The following USH1C variants were observed in gnomAD, a reference collection of about 807,000 sequenced individuals.
USH1C encodes USH1 protein network component harmonin, also known as harmonin.
A neutral mutation model predicts 119.3 loss-of-function variants in USH1C; 90 were observed. The observed-to-expected ratio is 0.75, with a 90% CI of 0.64 to 0.90. The LOEUF (loss-of-function observed/expected upper bound fraction) is 0.90. Among genes scored for constraint, USH1C ranks in the 40% least tolerant of loss-of-function variants. USH1C has a pLI of 0.00. For synonymous variants in USH1C, 465 were observed against 443.3 expected (o/e 1.05, Z -0.62); for missense variants, 1,165 against 1,167.7 (o/e 1.00, Z 0.03).
At chr11:17,540,067 A>G (rs1592041427) in intron 1 of USH1C, among the ~76,000 whole-genome samples, 2 of 151,916 alleles carry the variant, frequency 1.3e-5, no homozygotes, top group Admixed American at 6.5e-5. Flanking sequence ...CATGGACTCA[A>G]GTGATTCTCC....
At chr11:17,515,628 A>G (rs1850109280) in intron 15 of USH1C, among the ~76,000 whole-genome samples, 1 of 152,220 alleles carries the variant, frequency 6.6e-6, no homozygotes, top group Non-Finnish European at 1.5e-5. Context: ...TCAAATGTCA[A>G]TGTGATTTAG....
At chr11:17,524,311 C>T (rs1850558948) in intron 9 of USH1C, 140 bp downstream of exon 9, 2 of 887,162 alleles carry the variant, frequency 2.3e-6, no homozygotes, top group Non-Finnish European at 3.6e-6. Flanking sequence ...GCCTTCTCTG[C>T]AGGGTGGGTA....
At chr11:17,536,610 A>G (rs2133942605) in intron 1 of USH1C, among the ~76,000 whole-genome samples, 1 of 152,316 alleles carries the variant, frequency 6.6e-6, no homozygotes, top group East Asian at 1.9e-4. Context: ...CTCCTGAGAC[A>G]GCTGCAGAGC....
At chr11:17,518,355 AGATAGTTGATGGGGCCTTG>A (rs1850251129) in intron 14 of USH1C, among the ~76,000 whole-genome samples, 1 of 152,130 alleles carries the variant, frequency 6.6e-6, no homozygotes, top group Admixed American at 6.5e-5. Flanking sequence ...GAGGTGGGGG[AGATAGTTGATGGGGCCTTG>A]GATAGGGAGA....
chr11:17,509,561 A>C lies in USH1C; in HGVS notation c.1808T>G (p.Ile603Ser), dbSNP rs1849781089. ...AACGGATGGCGGGGGAGGGATGGGA[A>C]TGGGGGGTGGAGTGCGCTGCACCCA... Reference protein sequence around the residue: ...SPWVQRTPPPIPIPPPPSVPT... With the variant: ...SPWVQRTPPPSPIPPPPSVPT... The change falls in exon 18 of 27, where the codon ATT (isoleucine) becomes AGT (serine). Residue 603 changes from isoleucine to serine, a missense_variant. Transcript: ENST00000005226. 6.7e-5 allele frequency: 85 copies of C among 1,272,194 alleles called. No homozygotes were observed. The highest frequency in any genetic ancestry group is 2.5e-4 in the East Asian group (7 of 27,604). 78.8% of individuals were successfully genotyped at this position (1,272,194 alleles called of 1,614,324 possible).
rs188296818 is a variant in USH1C at position 17,538,671 on chromosome 11, C to A, written c.37-5349G>T. 6.4e-4 allele frequency among the ~76,000 whole-genome samples: 97 copies of A among 152,308 alleles called. No homozygotes were observed. In the Middle Eastern group the frequency reaches 0.014, roughly 21 times the overall value. On this transcript the variant is annotated intron_variant, in intron 1 of 26. Coordinates refer to ENST00000005226, the MANE Select transcript of USH1C (RefSeq NM_153676.4). ...CTTTCATGCCTCCAGCCTTCTCCAC[C>A]CTGCCCTTTGTCCAGAGGGCTCTGC...
Position 17,544,360 on chromosome 11 carries a change from G to A in USH1C, c.-53C>T. ...GCACGACCCGTTCCTTCGGGTGCCC[G>A]GCTGCCAGGAGCTGGAAAGAGCCGC... On this transcript the variant is annotated 5_prime_UTR_variant, in exon 1 of 27. Transcript: ENST00000005226. The A allele has an allele frequency of 3.7e-6, 6 of 1,612,854 alleles. No homozygotes were observed. The highest frequency in any genetic ancestry group is 5.1e-6 in the Non-Finnish European group (6 of 1,179,490).
At chr11:17,517,032 C>G (rs1310002068) in intron 14 of USH1C, among the ~76,000 whole-genome samples, 2 of 152,192 alleles carry the variant, frequency 1.3e-5, no homozygotes, top group Non-Finnish European at 2.9e-5. Context: ...AGTGCTGGAA[C>G]AGGATGCTGA....
chr11:17,495,828 C>T, intron 25 of USH1C, 151 bp from the exon 26 acceptor site: 1 of 772,840 alleles, frequency 1.3e-6, no homozygotes, highest in South Asian at 1.6e-5. Context: ...CCTGGTTTCT[C>T]CAAGACATGT....
chr11:17,502,075 C>G (rs1284866706), intron 20 of USH1C, 95 bp from the exon 21 acceptor site: 2 of 1,358,028 alleles, frequency 1.5e-6, no homozygotes, highest in African/African-American at 2.9e-5. Flanking sequence ...ATCCAAGGGT[C>G]AGAAGTGAGG....
intron 2 of USH1C, among the ~76,000 whole-genome samples, chr11:17,532,986 T>G (rs1404708193): frequency 2.0e-5 from 3 of 152,224 alleles, no homozygotes; most frequent in African/African-American, 7.2e-5. Context: ...ATCTGGCTAC[T>G]AGACAGCCTC....
At chr11:17,532,502 G>A (rs888167283) in intron 2 of USH1C, among the ~76,000 whole-genome samples, 8 of 151,892 alleles carry the variant, frequency 5.3e-5, no homozygotes, top group African/African-American at 1.7e-4. Flanking sequence ...ATTTCACCAT[G>A]TTGCCCAGGC....
At position 17,501,035 on chromosome 11, in the gene USH1C, G is replaced by C; in HGVS notation, c.2380+16C>G. On this transcript the variant is annotated intron_variant, in intron 23 of 26. Transcript: ENST00000005226. ...TGTATCATCCCCAAACCTGGGTGTG[G>C]CTAGTCTCCACTCACCATGCCGCTC... 1.2e-6 allele frequency: 2 copies of C among 1,608,364 alleles called. No individual in the cohort carries two copies. Among genetic ancestry groups the C allele is most frequent in the Non-Finnish European group, 1.7e-6 (2 of 1,176,208 alleles).
At chr11:17,534,602 C>T (rs537179412) in intron 1 of USH1C, among the ~76,000 whole-genome samples, 45 of 152,250 alleles carry the variant, frequency 3.0e-4, no homozygotes, top group East Asian at 2.3e-3. Context: ...GGGCTGGGTG[C>T]GGTGGCTCAC....
intron 20 of USH1C, among the ~76,000 whole-genome samples, chr11:17,503,710 T>A (rs761848943): frequency 1.3e-5 from 2 of 152,232 alleles, no homozygotes; most frequent in Non-Finnish European, 2.9e-5. Context: ...ACCGACCTCC[T>A]GGATTCAAAT....
chr11:17,504,673 C>G lies in USH1C; in HGVS notation c.2158G>C (p.Val720Leu), dbSNP rs752664237. Reference protein sequence around the residue: ...VLPQEMLKRMVVYQTAFRQDF... With the variant: ...VLPQEMLKRMLVYQTAFRQDF... ...TGTCTGAATGCTGTCTGATAAACCA[C>G]CATCCTCTTCAACATCTCCTGTGGC... The change falls in exon 20 of 27, where the codon GTG (valine) becomes CTG (leucine). Residue 720 changes from valine to leucine, a missense_variant. Physicochemically the swap from Val to Leu is conservative, Grantham distance 32. Coordinates refer to ENST00000005226, the MANE Select transcript of USH1C (RefSeq NM_153676.4). The G allele has an allele frequency of 3.7e-6, 6 of 1,614,020 alleles. No individual in the cohort carries two copies. Among genetic ancestry groups the G allele is most frequent in the Non-Finnish European group, 5.1e-6 (6 of 1,180,018 alleles).
intron 18 of USH1C, among the ~76,000 whole-genome samples, chr11:17,507,037 C>A (rs927936129): frequency 2.0e-5 from 3 of 152,342 alleles, no homozygotes; most frequent in Admixed American, 1.3e-4. Flanking sequence ...TGAAAACCCC[C>A]CTATGGCCGG....
intron 1 of USH1C, chr11:17,533,814 C>A (rs577915877): frequency 1.5e-5 from 7 of 454,362 alleles, no homozygotes; most frequent in Non-Finnish European, 2.7e-5. Context: ...CCCTTACCAC[C>A]GAATTCTTCT....
In USH1C at chr11:17,543,709, C is replaced by G. The variant is rs534208286; in HGVS notation, c.36+563G>C. ...GCTCCGACGCCCTCAGTACCTCCTCCCTTCCTCCCCACCGCACCCGGGTCA... is the reference window on the plus strand; with the variant it reads ...GCTCCGACGCCCTCAGTACCTCCTCGCTTCCTCCCCACCGCACCCGGGTCA... On this transcript the variant is annotated intron_variant, in intron 1 of 26. Coordinates refer to ENST00000005226, the MANE Select transcript of USH1C (RefSeq NM_153676.4). Among the ~76,000 whole-genome samples, 5 of 152,298 alleles carry G rather than the reference C, an allele frequency of 3.3e-5. No homozygotes were observed. In the East Asian group the frequency reaches 9.7e-4, roughly 30 times the overall value.
Sources: allele counts gnomAD v4.1 joint callset (sites outside exome capture counted in the v4.1 genomes callset), GRCh38; gene constraint gnomAD v4.1.1; transcripts MANE v1.5; gene names NCBI Gene and HGNC (gene_info 2026-07-23, HGNC 2026-07-21).